Variants in SUCO observed in about 807,000 individuals in gnomAD.
SUCO encodes the protein SUN domain containing ossification factor.
In SUCO, 57 loss-of-function variants were observed where a neutral mutation model predicts 148.1. The observed-to-expected ratio is 0.38, with a 90% confidence interval of 0.31 to 0.48. The LOEUF is 0.48. Among genes scored for constraint, SUCO ranks in the 20% least tolerant of loss-of-function variants. The pLI is 0.96. For missense variants in SUCO, 1,331 were observed against 1,468.2 expected, an observed-to-expected ratio of 0.91 and a Z score of 1.53; for synonymous variants, 470 against 502.7, an observed-to-expected ratio of 0.93 and a Z score of 0.87.
intron 13 of SUCO, among the ~76,000 whole-genome samples, 175 bp downstream of exon 13, chr1:172,577,994 T>TA (rs3214152): frequency 0.27 from 41,081 of 149,872 alleles, 5,943 homozygotes; most frequent in African/African-American, 0.37. Context: ...TATCCTCTTT[T>TA]AAAAAAAAAA....
chr1:172,590,071 C>G, intron 18 of SUCO, 145 bp downstream of exon 18: 2 of 626,054 alleles, frequency 3.2e-6, no homozygotes, highest in Non-Finnish European at 4.7e-6. Context: ...AGAAAGAAAG[C>G]TACTTGAATG....
chr1:172,609,108 T>A (rs1373052011), intron 23 of SUCO: 2 of 418,832 alleles, frequency 4.8e-6, no homozygotes, highest in Non-Finnish European at 6.4e-6. Flanking sequence ...ACAAAAAAAA[T>A]TTGTTGATCC....
At chr1:172,593,201 A>C (rs546735671) in intron 19 of SUCO, among the ~76,000 whole-genome samples, 1 of 152,346 alleles carries the variant, frequency 6.6e-6, no homozygotes, top group African/African-American at 2.4e-5. Flanking sequence ...TTCTAAATAT[A>C]CAGTCATGTT....
intron 8 of SUCO, 52 bp from the exon 9 acceptor site, chr1:172,570,611 C>A (rs1025466427): frequency 8.1e-7 from 1 of 1,228,296 alleles, no homozygotes; most frequent in Non-Finnish European, 1.2e-6. Context: ...AAAATAAATA[C>A]TTTCTTCATT....
At chr1:172,546,085 G>A (rs1227370897) in intron 1 of SUCO, among the ~76,000 whole-genome samples, 2 of 152,056 alleles carry the variant, frequency 1.3e-5, no homozygotes, top group Non-Finnish European at 2.9e-5. Context: ...AGAGGTGTGC[G>A]CCACCATGCC....
At chr1:172,601,912 A>T in intron 20 of SUCO, 152 bp from the exon 21 acceptor site, 1 of 665,694 alleles carries the variant, frequency 1.5e-6, no homozygotes, top group Non-Finnish European at 2.3e-6. Flanking sequence ...TTAATGTCAT[A>T]GTTTATTTTC....
rs182584109 is a variant in SUCO, at chr1:172,592,386, C to T, written c.2913+1315C>T. Reference sequence around the variant, plus strand: ...TGCTGAATGGTATTGCCTAGGTTTTCTTCTAGGGTTTTTATGGTTTTAGGT... The same window carrying T: ...TGCTGAATGGTATTGCCTAGGTTTTTTTCTAGGGTTTTTATGGTTTTAGGT... On this transcript the variant is annotated intron_variant, in intron 19 of 23. Coordinates refer to ENST00000263688, the MANE Select transcript of SUCO (RefSeq NM_014283.5). 9.3e-3 allele frequency among the ~76,000 whole-genome samples: 1,409 copies of T among 152,258 alleles called. 22 individuals carry two copies. Among genetic ancestry groups the T allele is most frequent in the African/African-American group, 0.031 (1,303 of 41,550 alleles).
At chr1:172,573,472 AG>A (rs769954848) in intron 9 of SUCO, among the ~76,000 whole-genome samples, 4 of 152,164 alleles carry the variant, frequency 2.6e-5, no homozygotes, top group African/African-American at 4.8e-5. Flanking sequence ...GGACATCTGA[AG>A]CCTTGAATCC....
rs146089882 is a variant in SUCO at position 172,602,992 on chromosome 1, G to A, written c.3265+205G>A. ...TAAAAGCCCAGAGGGTAGGGAGGGGGGCTTAGTTTAATTAGCAGTTGGTAG... is the reference window on the plus strand; with the variant it reads ...TAAAAGCCCAGAGGGTAGGGAGGGGAGCTTAGTTTAATTAGCAGTTGGTAG... On this transcript the variant is annotated intron_variant, in intron 22 of 23. Coordinates refer to ENST00000263688, the MANE Select transcript of SUCO (RefSeq NM_014283.5). 2.2e-4 allele frequency: 102 copies of A among 473,944 alleles called. No homozygotes were observed. In the East Asian group the frequency reaches 3.2e-3, roughly 15 times the overall value. The allele number at this position is 473,944 out of a possible 1,614,324, so 29.4% of individuals were successfully genotyped here.
At chr1:172,597,618 C>G (rs1178604972) in intron 19 of SUCO, among the ~76,000 whole-genome samples, 2 of 151,690 alleles carry the variant, frequency 1.3e-5, no homozygotes, top group Non-Finnish European at 2.9e-5. Flanking sequence ...TTCCCCCTAT[C>G]TCTTGGCTAG....
chr1:172,599,515 T>A (rs1055587832), intron 19 of SUCO: 9 of 407,636 alleles, frequency 2.2e-5, no homozygotes, highest in African/African-American at 1.7e-4. Flanking sequence ...GCATTTTTGA[T>A]GCATTTCTTT....
intron 1 of SUCO, among the ~76,000 whole-genome samples, chr1:172,536,015 A>T (rs933556853): frequency 6.6e-6 from 1 of 152,234 alleles, no homozygotes. Flanking sequence ...GCATAAATGC[A>T]CTATAGCTGC....
chr1:172,568,394 C>T (rs1654709820), intron 6 of SUCO: 2 of 955,988 alleles, frequency 2.1e-6, no homozygotes, highest in African/African-American at 3.8e-5. Context: ...GCAGATACTT[C>T]TCTCAGTGTG....
chr1:172,584,121 T>A (rs1292287673), intron 15 of SUCO, among the ~76,000 whole-genome samples: 4 of 152,202 alleles, frequency 2.6e-5, no homozygotes, highest in African/African-American at 9.6e-5. Context: ...ATGAGTTTTT[T>A]AAAAGTCATC....
At position 172,569,111 on chromosome 1, in the gene SUCO, G is replaced by A. The variant is rs138977733; in HGVS notation, c.825G>A (p.Lys275=). The change falls in exon 7 of 24, where the codon AAG becomes AAA. Residue 275 remains lysine (K), a synonymous_variant. Coordinates refer to ENST00000263688, the MANE Select transcript of SUCO (RefSeq NM_014283.5). The stretch of plus-strand genomic sequence containing the variant: ...ATATACCAACATTTGATGAATGGAA[G>A]AAGAAAGTTATGGAAGTAGAAAAAG... ...PEDIPTFDEW[K]KKVMEVEKEK... 1.2e-5 allele frequency: 19 copies of A among 1,575,118 alleles called. No individual in the cohort carries two copies. The highest frequency in any genetic ancestry group is 1.6e-5 in the Non-Finnish European group (19 of 1,163,348).
At chr1:172,550,346 G>T (rs1381032448) in intron 1 of SUCO, among the ~76,000 whole-genome samples, 24 of 151,968 alleles carry the variant, frequency 1.6e-4, no homozygotes, top group Admixed American at 1.6e-3. Flanking sequence ...CTACTTACTA[G>T]AAGATTTCTT....
At position 172,566,640 on chromosome 1, in the gene SUCO, C is replaced by T. The variant is rs560911928; in HGVS notation, c.733-2379C>T. 5.3e-5 allele frequency among the ~76,000 whole-genome samples: 8 copies of T among 152,380 alleles called. No homozygotes were observed. The East Asian group carries it at 1.5e-3, about 29-fold the overall frequency. ...GGTGCCTAGAGCAGCAGCTCAGAGG[C>T]AGTTCTGCAGTCATACCCACTTTTA... On this transcript the variant is annotated intron_variant, in intron 6 of 23. Coordinates refer to ENST00000263688, the MANE Select transcript of SUCO (RefSeq NM_014283.5).
chr1:172,561,548 T>G lies in SUCO; in HGVS notation c.732+3754T>G, dbSNP rs142718222. Among the ~76,000 whole-genome samples the G allele has an allele frequency of 4.1e-4, 63 of 152,246 alleles. No individual in the cohort carries two copies. In the East Asian group the frequency reaches 7.5e-3, roughly 18 times the overall value. On this transcript the variant is annotated intron_variant, in intron 6 of 23. Transcript: ENST00000263688. ...GGGTAATTGGGAGAGCAAACAAGAT[T>G]AATAGTGACAACATGATATCTGCGG...
intron 6 of SUCO, among the ~76,000 whole-genome samples, chr1:172,559,585 G>T (rs1027910830): frequency 6.6e-6 from 1 of 152,170 alleles, no homozygotes; most frequent in Non-Finnish European, 1.5e-5. Flanking sequence ...GTGGAGTAGG[G>T]CTACCCCATA....
Sources: allele counts gnomAD v4.1 joint callset (sites outside exome capture counted in the v4.1 genomes callset), GRCh38; gene constraint gnomAD v4.1.1; transcripts MANE v1.5; gene names NCBI Gene and HGNC (gene_info 2026-07-23, HGNC 2026-07-21).